Variants in TMOD3 observed in about 807,000 individuals in gnomAD.
The protein encoded by TMOD3 is tropomodulin-3.
Under a neutral mutation model 39.2 loss-of-function variants are expected in TMOD3, and 20 were observed. The observed-to-expected ratio is 0.51, with a 90% confidence interval of 0.36 to 0.74. The LOEUF (loss-of-function observed/expected upper bound fraction) is 0.74, where lower values mean the gene tolerates loss of function less well. TMOD3 is among the 30% of genes least tolerant of loss of function. The pLI, the probability that TMOD3 is intolerant of heterozygous loss-of-function variation, is 0.00. For missense variants in TMOD3, 381 were observed against 412.8 expected (o/e 0.92, Z 0.67); for synonymous variants, 143 against 145.8 (o/e 0.98, Z 0.14).
intron 3 of TMOD3, among the ~76,000 whole-genome samples, chr15:51,877,203 TTTC>T (rs1472651185): frequency 9.9e-5 from 15 of 152,244 alleles, no homozygotes; most frequent in South Asian, 2.1e-4. Flanking sequence ...ACCGATTTTT[TTTC>T]TTCTTCTGGA....
intron 2 of TMOD3, among the ~76,000 whole-genome samples, chr15:51,866,960 G>A (rs2056449976): frequency 6.6e-6 from 1 of 152,168 alleles, no homozygotes; most frequent in African/African-American, 2.4e-5. Flanking sequence ...AAGCTTCCCT[G>A]GGGGAATGGA....
intron 1 of TMOD3, among the ~76,000 whole-genome samples, chr15:51,850,782 G>C (rs375895614): frequency 7.9e-5 from 12 of 152,260 alleles, no homozygotes; most frequent in Middle Eastern, 6.8e-3. Flanking sequence ...TGTCACCCAG[G>C]CTGGAGTGCA....
chr15:51,840,372 A>G (rs1329031120), intron 1 of TMOD3, among the ~76,000 whole-genome samples: 1 of 152,234 alleles, frequency 6.6e-6, no homozygotes, highest in African/African-American at 2.4e-5. Flanking sequence ...AAAAATGAAG[A>G]TAATATTTAA....
intron 1 of TMOD3, among the ~76,000 whole-genome samples, chr15:51,839,165 C>CTTTTTTTT (rs60102349): frequency 9.2e-6 from 1 of 108,988 alleles, no homozygotes; most frequent in Non-Finnish European, 2.0e-5. Context: ...GTGTATCTCT[C>CTTTTTTTT]TTTTTTTTTT....
At chr15:51,892,723 A>C (rs1440497877) in intron 5 of TMOD3, among the ~76,000 whole-genome samples, 4 of 152,126 alleles carry the variant, frequency 2.6e-5, no homozygotes, top group Non-Finnish European at 5.9e-5. Context: ...ATATTTCTTT[A>C]AGTCTGTGAT....
rs116245995 is a variant in TMOD3, at chr15:51,835,662, T to C, written c.-75+5826T>C. Among the ~76,000 whole-genome samples the C allele has an allele frequency of 3.8e-3, 576 of 152,334 alleles. 6 individuals carry two copies. The highest frequency in any genetic ancestry group is 0.013 in the African/African-American group (561 of 41,560). On this transcript the variant is annotated intron_variant, in intron 1 of 9. Coordinates refer to ENST00000308580, the MANE Select transcript of TMOD3 (RefSeq NM_014547.5). ...TATTCCAATCCTTTGTGATGCAATT[T>C]CTGAATTTGCCTTGGAACAATTTTT...
chr15:51,905,586 A>G (rs1229930495), intron 9 of TMOD3, among the ~76,000 whole-genome samples: 2 of 152,236 alleles, frequency 1.3e-5, no homozygotes, highest in African/African-American at 4.8e-5. Flanking sequence ...GATTTTATGC[A>G]GAAGGCATTA....
chr15:51,853,625 G>A (rs1271495802), intron 1 of TMOD3, among the ~76,000 whole-genome samples: 1 of 152,002 alleles, frequency 6.6e-6, no homozygotes, highest in African/African-American at 2.4e-5. Context: ...TACAACCTGT[G>A]GTTATAATGG....
chr15:51,857,967 A>T (rs1282714113), intron 1 of TMOD3: 10 of 152,200 alleles, frequency 6.6e-5, no homozygotes, highest in Admixed American at 3.3e-4. Flanking sequence ...TTGGAAAGTG[A>T]TGATATCTTC....
At chr15:51,880,282 C>G (rs532975189) in intron 3 of TMOD3, among the ~76,000 whole-genome samples, 1 of 152,092 alleles carries the variant, frequency 6.6e-6, no homozygotes, top group Admixed American at 6.5e-5. Flanking sequence ...AAAACCCATA[C>G]TAATAAGTCA....
intron 1 of TMOD3, among the ~76,000 whole-genome samples, chr15:51,836,849 C>T (rs1366700313): frequency 5.3e-5 from 8 of 152,126 alleles, no homozygotes; most frequent in African/African-American, 1.9e-4. Context: ...TCAACACCTG[C>T]ACCCACTCAC....
rs1183005485 is a variant in TMOD3 at position 51,869,229 on chromosome 15, C to G, written c.139C>G (p.Pro47Ala). 1 of 1,613,646 alleles carries G rather than the reference C, an allele frequency of 6.2e-7. No homozygotes were observed. The highest frequency in any genetic ancestry group is 8.5e-7 in the Non-Finnish European group (1 of 1,179,860). The change falls in exon 3 of 10, where the codon CCT becomes GCT. Residue 47 changes from proline (P) to alanine (A), a missense_variant. Physicochemically the swap from Pro to Ala is conservative, Grantham distance 27 (BLOSUM62 -1). Transcript: ENST00000308580. ...DDLDPENALL[P>A]AGFRQKNQTS... ...TTCTCTCTGGCAGAATGCCCTTCTG[C>G]CTGCAGGGTTCCGGCAGAAGAACCA...
At chr15:51,840,982 G>A (rs774622222) in intron 1 of TMOD3, among the ~76,000 whole-genome samples, 8 of 152,182 alleles carry the variant, frequency 5.3e-5, no homozygotes, top group Admixed American at 1.3e-4. Context: ...ATTTTTTAGA[G>A]GAAGTGTGAT....
chr15:51,885,736 C>G (rs966469806), intron 3 of TMOD3, among the ~76,000 whole-genome samples: 6 of 152,246 alleles, frequency 3.9e-5, no homozygotes, highest in African/African-American at 1.4e-4. Context: ...CTTTTCCCCA[C>G]ATTTCCCCCT....
At chr15:51,907,686 T>C (rs953777765) in intron 9 of TMOD3, among the ~76,000 whole-genome samples, 4 of 152,228 alleles carry the variant, frequency 2.6e-5, no homozygotes, top group African/African-American at 9.6e-5. Flanking sequence ...GTGGTTTTTG[T>C]CCTCTCTAGG....
At position 51,908,812 on chromosome 15, in the gene TMOD3, T is replaced by TCTG; in HGVS notation, c.*4_*6dup. The TCTG allele has an allele frequency of 6.2e-7, 1 of 1,606,398 alleles. No individual in the cohort carries two copies. Among genetic ancestry groups the TCTG allele is most frequent in the Non-Finnish European group, 8.5e-7 (1 of 1,176,826 alleles). ...CGAGTTGAAGGAGATCACCAGTAAGTCTGCAAAGGTGTAATCTTTGGAAGA... is the reference window on the plus strand; with the variant it reads ...CGAGTTGAAGGAGATCACCAGTAAGTCTGCTGCAAAGGTGTAATCTTTGGAAGA... On this transcript the variant is annotated 3_prime_UTR_variant, in exon 10 of 10. Transcript: ENST00000308580.
intron 2 of TMOD3, among the ~76,000 whole-genome samples, chr15:51,867,971 C>A (rs978571165): frequency 2.0e-5 from 3 of 152,200 alleles, no homozygotes; most frequent in Middle Eastern, 3.2e-3. Context: ...CGTGTGGAAA[C>A]CCAGGAACAT....
chr15:51,831,439 C>A (rs1157356962), intron 1 of TMOD3, among the ~76,000 whole-genome samples: 2 of 152,152 alleles, frequency 1.3e-5, no homozygotes, highest in African/African-American at 4.8e-5. Context: ...ATGCATAATT[C>A]ATTCAGGATA....
chr15:51,850,387 T>C (rs1442316281), intron 1 of TMOD3, among the ~76,000 whole-genome samples: 2 of 151,872 alleles, frequency 1.3e-5, no homozygotes, highest in Non-Finnish European at 2.9e-5. Flanking sequence ...AGAGGGAAGG[T>C]AGAGTGTATG....
Sources: gnomAD v4.1 joint callset for allele counts (sites outside exome capture counted in the v4.1 genomes callset) on GRCh38, gnomAD v4.1.1 for gene constraint, MANE v1.5 for transcripts, NCBI Gene and HGNC (gene_info 2026-07-23, HGNC 2026-07-21) for gene names.